LRRC4C: variants seen among roughly 807,000 people sequenced by gnomAD.
LRRC4C encodes the protein leucine-rich repeat-containing protein 4C.
A neutral mutation model predicts 33.6 loss-of-function variants in LRRC4C; 5 were observed. That is an observed-to-expected ratio of 0.15 (90% CI 0.08 to 0.31). The LOEUF (loss-of-function observed/expected upper bound fraction) is 0.31. Among genes scored for constraint, LRRC4C ranks in the 10% least tolerant of loss-of-function variants. The probability of loss-of-function intolerance (pLI) is 1.00; values close to 1 mark genes in which losing one functional copy is unlikely to be tolerated. For missense variants in LRRC4C, 560 were observed against 796.7 expected (o/e 0.70, Z 3.58); for synonymous variants, 329 against 302.0 (o/e 1.09, Z -0.93).
intron 2 of LRRC4C, among the ~76,000 whole-genome samples, chr11:40,665,020 C>T (rs539784477): frequency 4.7e-5 from 7 of 148,476 alleles, no homozygotes; most frequent in Middle Eastern, 3.5e-3. Flanking sequence ...TGAGAAAATG[C>T]GGTGTTTGGT....
At chr11:40,365,989 A>C (rs1948191180) in intron 3 of LRRC4C, among the ~76,000 whole-genome samples, 1 of 152,076 alleles carries the variant, frequency 6.6e-6, no homozygotes, top group African/African-American at 2.4e-5. Context: ...TGGGAGATTC[A>C]GTGGGGTATA....
intron 1 of LRRC4C, among the ~76,000 whole-genome samples, chr11:41,059,477 C>T (rs1401629091): frequency 1.3e-5 from 2 of 151,982 alleles, no homozygotes; most frequent in African/African-American, 4.8e-5. Flanking sequence ...CACTTAGGAA[C>T]CTGAGGCAAA....
chr11:40,550,421 C>T (rs1273299276), intron 3 of LRRC4C, among the ~76,000 whole-genome samples: 1 of 151,856 alleles, frequency 6.6e-6, no homozygotes, highest in Non-Finnish European at 1.5e-5. Flanking sequence ...ACTTTAACTT[C>T]AGTTTCTTAA....
chr11:41,379,780 G>T (rs962867521), intron 1 of LRRC4C, among the ~76,000 whole-genome samples: 9 of 152,154 alleles, frequency 5.9e-5, no homozygotes, highest in African/African-American at 2.2e-4. Flanking sequence ...TGCTGTGTAA[G>T]AGAATGAATA....
chr11:40,452,506 G>T (rs1031559334), intron 3 of LRRC4C, among the ~76,000 whole-genome samples: 1 of 152,172 alleles, frequency 6.6e-6, no homozygotes, highest in Non-Finnish European at 1.5e-5. Flanking sequence ...AGTTAGAATG[G>T]TGATCATTAA....
intron 1 of LRRC4C, among the ~76,000 whole-genome samples, chr11:41,304,526 G>A (rs1950409359): frequency 8.4e-6 from 1 of 119,700 alleles, no homozygotes; most frequent in Admixed American, 7.7e-5. Flanking sequence ...AGGGAGGTGG[G>A]GGTATCAGCC....
chr11:40,893,597 A>G (rs1486080039), intron 2 of LRRC4C, among the ~76,000 whole-genome samples: 1 of 152,086 alleles, frequency 6.6e-6, no homozygotes, highest in Non-Finnish European at 1.5e-5. Flanking sequence ...CTATGAAGAG[A>G]CATTTCTCAG....
At chr11:40,538,415 G>C (rs1245165252) in intron 3 of LRRC4C, among the ~76,000 whole-genome samples, 1 of 152,096 alleles carries the variant, frequency 6.6e-6, no homozygotes, top group African/African-American at 2.4e-5. Flanking sequence ...AGTTTGCTGA[G>C]AATGATGGTT....
intron 3 of LRRC4C, among the ~76,000 whole-genome samples, chr11:40,423,255 G>T (rs547912109): frequency 6.6e-6 from 1 of 151,330 alleles, no homozygotes; most frequent in Non-Finnish European, 1.5e-5. Flanking sequence ...ATTACACTGC[G>T]AATAGCACAT....
chr11:40,240,288 A>G (rs1865846075), intron 5 of LRRC4C, among the ~76,000 whole-genome samples: 1 of 152,206 alleles, frequency 6.6e-6, no homozygotes, highest in East Asian at 1.9e-4. Flanking sequence ...TTAGATCCTT[A>G]TGGTATTCCT....
chr11:40,909,872 G>A (rs1307107226), intron 2 of LRRC4C, among the ~76,000 whole-genome samples: 1 of 152,088 alleles, frequency 6.6e-6, no homozygotes, highest in African/African-American at 2.4e-5. Flanking sequence ...GCATTGAAAG[G>A]CAACGCTTGA....
At chr11:40,535,031 C>A (rs74517780) in intron 3 of LRRC4C, among the ~76,000 whole-genome samples, 2 of 152,104 alleles carry the variant, frequency 1.3e-5, no homozygotes, top group African/African-American at 4.8e-5. Flanking sequence ...TTCTTACAAA[C>A]TAATTGAAAG....
chr11:40,985,695 G>A lies in LRRC4C; in HGVS notation c.-495-51972C>T, dbSNP rs1852941188. Among the ~76,000 whole-genome samples, 2 of 12,164 alleles carry A rather than the reference G, an allele frequency of 1.6e-4. 1 individual carries two copies. The highest frequency in any genetic ancestry group is 2.4e-4 in the African/African-American group (2 of 8,400). 8.0% of individuals were successfully genotyped at this position (12,164 alleles called of 152,430 possible). ...TTTAGTAGAGACGGGGTTTCACCTT[G>A]TTAGCCAGGATGGTCTCGATCTCCT... On this transcript the variant is annotated intron_variant, in intron 1 of 6. Transcript: ENST00000528697.
intron 1 of LRRC4C, among the ~76,000 whole-genome samples, chr11:40,974,997 G>T (rs893246341): frequency 6.6e-6 from 1 of 152,150 alleles, no homozygotes; most frequent in African/African-American, 2.4e-5. Context: ...CTCGGACTGA[G>T]CCAAGCTACC....
At chr11:40,880,030 T>A (rs976399558) in intron 2 of LRRC4C, among the ~76,000 whole-genome samples, 1 of 152,092 alleles carries the variant, frequency 6.6e-6, no homozygotes, top group Non-Finnish European at 1.5e-5. Context: ...ACAGGCAACA[T>A]GGCTTCTGTC....
intron 1 of LRRC4C, among the ~76,000 whole-genome samples, chr11:41,145,492 C>A (rs1335411427): frequency 8.7e-6 from 1 of 115,106 alleles, no homozygotes; most frequent in Non-Finnish European, 2.1e-5. Context: ...AAACACAGCC[C>A]ATGCACATTT....
intron 1 of LRRC4C, among the ~76,000 whole-genome samples, chr11:41,303,144 C>A (rs1950335280): frequency 6.9e-6 from 1 of 145,748 alleles, no homozygotes; most frequent in South Asian, 2.3e-4. Flanking sequence ...CCCTCTCATG[C>A]GGAGCCGAAG....
At chr11:40,383,649 T>G (rs1417782112) in intron 3 of LRRC4C, among the ~76,000 whole-genome samples, 5 of 152,122 alleles carry the variant, frequency 3.3e-5, no homozygotes, top group African/African-American at 1.2e-4. Context: ...GCCATTTGTA[T>G]ACCTTCTTTT....
At chr11:40,902,042 ACAC>A (rs1427961925) in intron 2 of LRRC4C, among the ~76,000 whole-genome samples, 1 of 133,292 alleles carries the variant, frequency 7.5e-6, no homozygotes, top group Non-Finnish European at 1.6e-5. Context: ...ACACACACAC[ACAC>A]ACCTCTTTTT....
Sources: gnomAD v4.1 joint callset for allele counts (sites outside exome capture counted in the v4.1 genomes callset) on GRCh38, gnomAD v4.1.1 for gene constraint, MANE v1.5 for transcripts, NCBI Gene and HGNC (gene_info 2026-07-23, HGNC 2026-07-21) for gene names.